Variants in IL20RA observed in about 807,000 individuals in gnomAD.
IL20RA encodes the protein interleukin 20 receptor subunit alpha.
Under a neutral mutation model 36.5 loss-of-function variants are expected in IL20RA, and 29 were observed. The observed-to-expected ratio is 0.79, with a 90% confidence interval of 0.59 to 1.08. IL20RA has a LOEUF of 1.08. IL20RA is among the 50% of genes least tolerant of loss of function. The pLI, the probability that IL20RA is intolerant of heterozygous loss-of-function variation, is 0.00. For synonymous variants in IL20RA, 279 were observed against 267.1 expected (o/e 1.04, Z -0.43); for missense variants, 652 against 668.4 (o/e 0.98, Z 0.27).
intron 1 of IL20RA, among the ~76,000 whole-genome samples, chr6:137,022,111 A>G (rs1562236904): frequency 6.6e-6 from 1 of 152,222 alleles, no homozygotes; most frequent in Non-Finnish European, 1.5e-5. Context: ...CTGATGAGAA[A>G]ACATGTATTA....
At chr6:137,008,869 T>C in intron 4 of IL20RA, 126 bp from the exon 5 acceptor site, 1 of 551,990 alleles carries the variant, frequency 1.8e-6, no homozygotes, top group Non-Finnish European at 2.8e-6. Context: ...TATAAGCTTT[T>C]TTTTTTTTTT....
chr6:137,013,611 T>C (rs1490498398), intron 2 of IL20RA, among the ~76,000 whole-genome samples: 1 of 152,252 alleles, frequency 6.6e-6, no homozygotes, highest in Admixed American at 6.5e-5. Context: ...CACTCTTCCC[T>C]GACGCCAAAA....
chr6:137,024,720 T>TAA (rs1160852), intron 1 of IL20RA, among the ~76,000 whole-genome samples: 124,868 of 152,142 alleles, frequency 0.82, 56,582 homozygotes, highest in East Asian at 1. Context: ...CTTTTGGAAC[T>TAA]GAGACCCCTT....
chr6:137,028,414 TA>T (rs36068116), intron 1 of IL20RA, among the ~76,000 whole-genome samples: 93,000 of 117,262 alleles, frequency 0.79, 40,217 homozygotes, highest in East Asian at 0.99. Context: ...AGACTCCATC[TA>T]AAAAAAAAAA....
chr6:137,030,823 C>A (rs1038896272), intron 1 of IL20RA, among the ~76,000 whole-genome samples: 8 of 152,036 alleles, frequency 5.3e-5, no homozygotes, highest in Non-Finnish European at 4.4e-5. Flanking sequence ...AAAAGTTTCC[C>A]AATACTCAGA....
chr6:137,011,189 G>C, intron 3 of IL20RA, 85 bp downstream of exon 3: 1 of 1,151,428 alleles, frequency 8.7e-7, no homozygotes, highest in Non-Finnish European at 1.2e-6. Flanking sequence ...ACCTTCCTCT[G>C]GGCAAGGCTG....
intron 1 of IL20RA, among the ~76,000 whole-genome samples, chr6:137,028,480 GTC>G (rs1242479772): frequency 9.9e-5 from 15 of 151,262 alleles, no homozygotes; most frequent in Middle Eastern, 7.0e-3. Flanking sequence ...TATTTTCTGA[GTC>G]TGGGGCACAA....
At chr6:137,008,838 C>G in intron 4 of IL20RA, 95 bp from the exon 5 acceptor site, 1 of 511,898 alleles carries the variant, frequency 2.0e-6, no homozygotes, top group Non-Finnish European at 3.1e-6. Flanking sequence ...ACCAAGGCAC[C>G]ATTTAATTCT....
At chr6:137,042,602 T>G (rs374181183) in intron 1 of IL20RA, among the ~76,000 whole-genome samples, 1 of 152,316 alleles carries the variant, frequency 6.6e-6, no homozygotes, top group African/African-American at 2.4e-5. Context: ...CATAGACATT[T>G]TGAATTCCAT....
chr6:137,008,647 G>C lies in IL20RA; in HGVS notation c.676C>G (p.Pro226Ala). 1 of 1,606,824 alleles carries C rather than the reference G, an allele frequency of 6.2e-7. No individual in the cohort carries two copies. Among genetic ancestry groups the C allele is most frequent in the Non-Finnish European group, 8.5e-7 (1 of 1,176,694 alleles). Residue 226 changes from proline (P) to alanine (A), a missense_variant, in exon 5 of 7, where the codon CCT becomes GCT. Pro to Ala is a conservative substitution (Grantham distance 27). Coordinates refer to ENST00000316649, the MANE Select transcript of IL20RA (RefSeq NM_014432.4). ...VHVESFVPGP[P>A]RRAQPSEKQC... ...TTCTCAGAAGGCTGAGCACGGCGAG[G>C]GGGCCCTGGGACGAAGGACTCCACG...
At position 137,001,238 on chromosome 6, in the gene IL20RA, A is replaced by G. The variant is rs552155403; in HGVS notation, c.*320T>C. 4.7e-6 allele frequency: 1 copy of G among 214,704 alleles called. No homozygotes were observed. Among genetic ancestry groups the G allele is most frequent in the Admixed American group, 5.4e-5 (1 of 18,634 alleles). 13.3% of individuals were successfully genotyped at this position (214,704 alleles called of 1,614,324 possible). ...ATAATTGTACAAGTGTGCTTGTTTGAAAATAATGAACCAAGAGGCCAGAGT... is the reference window on the plus strand; with the variant it reads ...ATAATTGTACAAGTGTGCTTGTTTGGAAATAATGAACCAAGAGGCCAGAGT... On this transcript the variant is annotated 3_prime_UTR_variant, in exon 7 of 7. Coordinates refer to ENST00000316649, the MANE Select transcript of IL20RA (RefSeq NM_014432.4).
At chr6:137,025,414 A>C (rs1227486098) in intron 1 of IL20RA, among the ~76,000 whole-genome samples, 1 of 152,182 alleles carries the variant, frequency 6.6e-6, no homozygotes, top group Non-Finnish European at 1.5e-5. Flanking sequence ...TTGATCTTGG[A>C]CTTCCCAGCC....
chr6:137,043,484 C>T (rs1053330985), intron 1 of IL20RA, among the ~76,000 whole-genome samples: 13 of 152,142 alleles, frequency 8.5e-5, no homozygotes, highest in African/African-American at 2.9e-4. Context: ...GTCGTTTCTT[C>T]CCATTCAGTC....
At chr6:137,012,444 T>C (rs1418494489) in intron 2 of IL20RA, among the ~76,000 whole-genome samples, 1 of 151,834 alleles carries the variant, frequency 6.6e-6, no homozygotes, top group East Asian at 1.9e-4. Flanking sequence ...ATTTGGGAAA[T>C]GGATGGGGAG....
Position 137,039,998 on chromosome 6 carries a change from T to TC in IL20RA, c.88+4642dup, listed in dbSNP as rs796753066. Among the ~76,000 whole-genome samples the TC allele has an allele frequency of 5.9e-5, 9 of 152,282 alleles. 1 individual carries two copies. Among genetic ancestry groups the TC allele is most frequent in the African/African-American group, 2.2e-4 (9 of 41,550 alleles). On this transcript the variant is annotated intron_variant, in intron 1 of 6. Coordinates refer to ENST00000316649, the MANE Select transcript of IL20RA (RefSeq NM_014432.4). ...AGCCAGGTAACTTTGGTCAATAGTA[T>TC]CTTCATGGGATATTATAAAGCTTAA...
chr6:137,001,996 A>G lies in IL20RA; in HGVS notation c.1224T>C (p.Thr408=). 6.2e-7 allele frequency: 1 copy of G among 1,614,168 alleles called. No individual in the cohort carries two copies. Among genetic ancestry groups the G allele is most frequent in the South Asian group, 1.1e-5 (1 of 91,074 alleles). Residue 408 remains threonine, a synonymous_variant, in exon 7 of 7, where the codon ACT becomes ACC. Transcript: ENST00000316649. The part of the protein sequence containing the change: ...VIEYEYDVRT[T]DICAGPEEQE... Reference sequence around the variant, plus strand: ...GCTCTTCAGGCCCCGCACAAATGTCAGTGGTTCTGACATCATATTCATATT... The same window carrying G: ...GCTCTTCAGGCCCCGCACAAATGTCGGTGGTTCTGACATCATATTCATATT...
intron 2 of IL20RA, among the ~76,000 whole-genome samples, chr6:137,012,892 C>G (rs1036104542): frequency 6.6e-6 from 1 of 152,088 alleles, no homozygotes; most frequent in Non-Finnish European, 1.5e-5. Context: ...CCATACCTAC[C>G]AAAAGACATC....
chr6:137,011,809 C>T (rs529865938), intron 2 of IL20RA, among the ~76,000 whole-genome samples: 11 of 152,250 alleles, frequency 7.2e-5, no homozygotes, highest in African/African-American at 1.4e-4. Flanking sequence ...ACTATGTACA[C>T]GAGGTCAGTT....
At chr6:137,018,259 A>G (rs1775773320) in intron 1 of IL20RA, among the ~76,000 whole-genome samples, 1 of 152,176 alleles carries the variant, frequency 6.6e-6, no homozygotes, top group South Asian at 2.1e-4. Context: ...CTTAGTTAAG[A>G]TTAGTTCTAT....
Sources: allele counts gnomAD v4.1 joint callset (sites outside exome capture counted in the v4.1 genomes callset), GRCh38; gene constraint gnomAD v4.1.1; transcripts MANE v1.5; gene names NCBI Gene and HGNC (gene_info 2026-07-23, HGNC 2026-07-21).